Variants in INPP5A observed in about 807,000 individuals in gnomAD.
INPP5A encodes 43 kDa inositol polyphosphate 5-phophatase.
INPP5A carries 14 observed loss-of-function variants against 65.2 expected under a neutral mutation model. That is an observed-to-expected ratio of 0.21 (90% CI 0.14 to 0.34). The LOEUF is 0.34. Among genes scored for constraint, INPP5A ranks in the 10% least tolerant of loss-of-function variants. INPP5A has a pLI of 1.00. For synonymous variants in INPP5A, 207 were observed against 208.3 expected (o/e 0.99, Z 0.05); for missense variants, 431 against 545.6 (o/e 0.79, Z 2.09).
chr10:132,541,611 A>T (rs557841817), intron 1 of INPP5A, among the ~76,000 whole-genome samples: 2 of 152,242 alleles, frequency 1.3e-5, no homozygotes, highest in East Asian at 1.9e-4. Flanking sequence ...CTGAGACTGC[A>T]TGAGAATACA....
intron 11 of INPP5A, among the ~76,000 whole-genome samples, chr10:132,757,341 C>T (rs1846642011): frequency 1.3e-5 from 2 of 152,248 alleles, no homozygotes; most frequent in African/African-American, 4.8e-5. Context: ...AGCGGGGCTC[C>T]GCAGAGGTGC....
intron 8 of INPP5A, among the ~76,000 whole-genome samples, chr10:132,712,831 G>T (rs184527007): frequency 6.7e-6 from 1 of 149,832 alleles, no homozygotes; most frequent in East Asian, 2.0e-4. Context: ...GCCTCGTGTG[G>T]GTGCATATGT....
rs547818202 is a variant in INPP5A at position 132,715,526 on chromosome 10, C to T, written c.647+5070C>T. On this transcript the variant is annotated intron_variant, in intron 8 of 15. Coordinates refer to ENST00000368594, the MANE Select transcript of INPP5A (RefSeq NM_005539.5). ...CAATTAGTTTCCCAGGGAGAGGTGA[C>T]GTGATGCCCGCGCCCCAGCCCCGCT... 9.2e-5 allele frequency among the ~76,000 whole-genome samples: 14 copies of T among 152,326 alleles called. No homozygotes were observed. In the East Asian group the frequency reaches 1.9e-3, roughly 21 times the overall value.
chr10:132,540,480 C>T (rs555059212), intron 1 of INPP5A, among the ~76,000 whole-genome samples: 8 of 152,266 alleles, frequency 5.3e-5, no homozygotes, highest in Non-Finnish European at 8.8e-5. Context: ...CTTATCTGTC[C>T]GTGTCTGAAG....
intron 4 of INPP5A, among the ~76,000 whole-genome samples, chr10:132,668,844 C>T (rs1428026714): frequency 6.6e-6 from 1 of 152,132 alleles, no homozygotes; most frequent in Admixed American, 6.5e-5. Context: ...TGCCGAGCTC[C>T]ATCGCACGAC....
chr10:132,681,237 A>G (rs1246725015), intron 4 of INPP5A, among the ~76,000 whole-genome samples: 1 of 152,232 alleles, frequency 6.6e-6, no homozygotes, highest in Non-Finnish European at 1.5e-5. Flanking sequence ...GGGTGGGGCC[A>G]GATAAGAGAC....
Position 132,549,029 on chromosome 10 carries a change from G to C in INPP5A, c.75+10858G>C, listed in dbSNP as rs2071017860. On this transcript the variant is annotated intron_variant, in intron 1 of 15. Transcript: ENST00000368594. The surrounding 1 kb of genome is among the most constrained non-coding windows in gnomAD (Gnocchi z 4.9). ...GCTGGTCTCGAATTCCTGGCCTCAA[G>C]TGATCCTCCCACCTTGGCCTCCCAA... Among the ~76,000 whole-genome samples, 1 of 152,050 alleles carries C rather than the reference G, an allele frequency of 6.6e-6. No individual in the cohort carries two copies. The highest frequency in any genetic ancestry group is 1.5e-5 in the Non-Finnish European group (1 of 67,998).
At chr10:132,576,783 C>T (rs987372059) in intron 1 of INPP5A, among the ~76,000 whole-genome samples, 6 of 152,190 alleles carry the variant, frequency 3.9e-5, no homozygotes, top group Non-Finnish European at 7.3e-5. Context: ...CTGTGCTGAC[C>T]GGCCACAGAC....
intron 12 of INPP5A, among the ~76,000 whole-genome samples, chr10:132,774,515 G>A (rs531495585): frequency 6.6e-6 from 1 of 152,236 alleles, no homozygotes; most frequent in African/African-American, 2.4e-5. Flanking sequence ...GGTTCAGGGC[G>A]GCTGAGCACT....
At chr10:132,569,565 C>T (rs1288213700) in intron 1 of INPP5A, among the ~76,000 whole-genome samples, 2 of 152,162 alleles carry the variant, frequency 1.3e-5, no homozygotes, top group African/African-American at 4.8e-5. Flanking sequence ...AGTATGTTGC[C>T]CAGGCTGGTC....
chr10:132,734,876 G>A (rs938087641), intron 9 of INPP5A, among the ~76,000 whole-genome samples: 6 of 152,272 alleles, frequency 3.9e-5, no homozygotes, highest in African/African-American at 1.4e-4. Flanking sequence ...GTCCTCGGAT[G>A]GAGCTAGCTT....
intron 2 of INPP5A, among the ~76,000 whole-genome samples, chr10:132,633,938 G>C (rs1170973353): frequency 6.6e-6 from 1 of 152,192 alleles, no homozygotes; most frequent in African/African-American, 2.4e-5. Context: ...TTCTGCTTCA[G>C]ACCCCTCCAC....
At chr10:132,749,954 C>T in intron 11 of INPP5A, 109 bp downstream of exon 11, 1 of 952,674 alleles carries the variant, frequency 1.0e-6, no homozygotes, top group South Asian at 1.3e-5. Context: ...TCCCTGCCAC[C>T]TCCAGGACTC....
At position 132,550,482 on chromosome 10, in the gene INPP5A, C is replaced by T. The variant is rs117460258; in HGVS notation, c.75+12311C>T. Among the ~76,000 whole-genome samples the T allele has an allele frequency of 6.6e-5, 10 of 152,322 alleles. No individual in the cohort carries two copies. The highest frequency in any genetic ancestry group is 5.8e-4 in the East Asian group (3 of 5,190). ...GTGCACCTCACCACACCTGGAGCAG[C>T]GCCCGTGAGAGGAGGGAAGCGACAC... On this transcript the variant is annotated intron_variant, in intron 1 of 15. Transcript: ENST00000368594. The surrounding 1 kb of genome is among the most constrained non-coding windows in gnomAD (Gnocchi z 4.2).
At chr10:132,598,772 G>C (rs1408799194) in intron 1 of INPP5A, among the ~76,000 whole-genome samples, 1 of 152,190 alleles carries the variant, frequency 6.6e-6, no homozygotes. Context: ...AGAAAAAGAG[G>C]CTTAATTGGA....
intron 4 of INPP5A, among the ~76,000 whole-genome samples, chr10:132,656,828 A>C (rs933302770): frequency 1.1e-4 from 16 of 152,072 alleles, no homozygotes; most frequent in Non-Finnish European, 2.2e-4. Flanking sequence ...AGGCGTGTGC[A>C]CCCTTCCCTA....
At chr10:132,687,384 A>G (rs1845154981) in intron 4 of INPP5A, among the ~76,000 whole-genome samples, 1 of 152,228 alleles carries the variant, frequency 6.6e-6, no homozygotes, top group Non-Finnish European at 1.5e-5. Flanking sequence ...GGCCACACGC[A>G]GCCTTCTGGA....
At chr10:132,755,029 G>A (rs369041844) in intron 11 of INPP5A, among the ~76,000 whole-genome samples, 7 of 150,578 alleles carry the variant, frequency 4.6e-5, no homozygotes, top group African/African-American at 1.0e-4. Flanking sequence ...GTGAGTATGC[G>A]TGTGTGTGAT....
rs1590906077 is a variant in INPP5A, at chr10:132,663,387, A to T, written c.306+12882A>T. On this transcript the variant is annotated intron_variant, in intron 4 of 15. Transcript: ENST00000368594. The surrounding 1 kb of genome is among the most constrained non-coding windows in gnomAD (Gnocchi z 4.5). Reference sequence around the variant, plus strand: ...CAGGTGTGCATCACCACGCCTGGCTAAAAAAAAACTGTTTATAGAGACTGG... The same window carrying T: ...CAGGTGTGCATCACCACGCCTGGCTTAAAAAAAACTGTTTATAGAGACTGG... 6.6e-6 allele frequency among the ~76,000 whole-genome samples: 1 copy of T among 150,854 alleles called. No individual in the cohort carries two copies. The highest frequency in any genetic ancestry group is 2.1e-4 in the South Asian group (1 of 4,752).
Sources: gnomAD v4.1 joint callset for allele counts (sites outside exome capture counted in the v4.1 genomes callset) on GRCh38, gnomAD v4.1.1 for gene constraint, Gnocchi (gnomAD v3.1) non-coding constraint, MANE v1.5 for transcripts, NCBI Gene and HGNC (gene_info 2026-07-23, HGNC 2026-07-21) for gene names.